Variants in NR2F1-AS1 observed in about 807,000 individuals in gnomAD.
NR2F1-AS1 encodes NR2F1 antisense RNA 1.
intron 1 of NR2F1-AS1, among the ~76,000 whole-genome samples, chr5:93,566,123 T>C (rs1400948626): frequency 1.3e-5 from 2 of 151,980 alleles, no homozygotes; most frequent in Admixed American, 6.6e-5. Context: ...AACCTATGTG[T>C]AAAAACTAAG....
At chr5:93,423,647 C>G (rs559308108) in intron 4 of NR2F1-AS1, among the ~76,000 whole-genome samples, 21 of 152,184 alleles carry the variant, frequency 1.4e-4, no homozygotes, top group Admixed American at 6.5e-5. Context: ...AGTACAATTA[C>G]AAATCTTGTC....
intron 4 of NR2F1-AS1, among the ~76,000 whole-genome samples, chr5:93,524,122 G>A (rs935847860): frequency 9.2e-5 from 14 of 151,944 alleles, no homozygotes; most frequent in Middle Eastern, 3.4e-3. Flanking sequence ...AAGGTAAGAC[G>A]AATTGCTAAC....
intron 4 of NR2F1-AS1, among the ~76,000 whole-genome samples, chr5:93,547,322 C>T (rs919201066): frequency 5.3e-5 from 8 of 152,088 alleles, no homozygotes; most frequent in African/African-American, 1.9e-4. Flanking sequence ...CGCTGTAGAC[C>T]ATTAGTTTTA....
chr5:93,426,636 G>T (rs1225334636), intron 4 of NR2F1-AS1, among the ~76,000 whole-genome samples: 1 of 152,146 alleles, frequency 6.6e-6, no homozygotes, highest in Non-Finnish European at 1.5e-5. Context: ...AGCTAGCACA[G>T]TACCTGCCAT....
At chr5:93,426,126 C>T (rs1448385407) in intron 4 of NR2F1-AS1, among the ~76,000 whole-genome samples, 1 of 151,980 alleles carries the variant, frequency 6.6e-6, no homozygotes, top group Non-Finnish European at 1.5e-5. Flanking sequence ...TGGCTCACTG[C>T]AACCTCTGTC....
intron 1 of NR2F1-AS1, among the ~76,000 whole-genome samples, chr5:93,571,500 GAC>G (rs1170314730): frequency 1.3e-5 from 2 of 150,816 alleles, no homozygotes; most frequent in Non-Finnish European, 3.0e-5. Flanking sequence ...CATGGAGACT[GAC>G]ACACTTTGCG....
At chr5:93,516,783 T>C (rs948645967) in intron 4 of NR2F1-AS1, among the ~76,000 whole-genome samples, 2 of 151,960 alleles carry the variant, frequency 1.3e-5, no homozygotes, top group African/African-American at 4.8e-5. Flanking sequence ...AATATTAAAC[T>C]AGCAGTGTAT....
chr5:93,585,183 A>G, upstream of NR2F1-AS1: 1 of 1,469,116 alleles, frequency 6.8e-7, no homozygotes. Context: ...CACGCCGCAG[A>G]CCCCGGGCCA....
At chr5:93,445,379 C>A (rs1435367705) in intron 4 of NR2F1-AS1, among the ~76,000 whole-genome samples, 1 of 152,088 alleles carries the variant, frequency 6.6e-6, no homozygotes, top group Admixed American at 6.5e-5. Context: ...CCACCGATCC[C>A]ACAGAAATAC....
chr5:93,512,436 C>T (rs190619633), intron 4 of NR2F1-AS1, among the ~76,000 whole-genome samples: 7 of 152,024 alleles, frequency 4.6e-5, no homozygotes, highest in Admixed American at 3.3e-4. Context: ...AAAGTAAAAA[C>T]GTTAATTTAT....
chr5:93,548,276 T>C (rs1752136078), intron 4 of NR2F1-AS1, among the ~76,000 whole-genome samples: 1 of 152,126 alleles, frequency 6.6e-6, no homozygotes, highest in Non-Finnish European at 1.5e-5. Flanking sequence ...ATTCAATCAA[T>C]TTATGTGGTC....
At chr5:93,479,879 G>C (rs1750564585) in intron 4 of NR2F1-AS1, among the ~76,000 whole-genome samples, 1 of 151,994 alleles carries the variant, frequency 6.6e-6, no homozygotes, top group Non-Finnish European at 1.5e-5. Context: ...AGAAATAATG[G>C]AGATGAAAAA....
At chr5:93,574,235 G>C (rs377694311) in intron 1 of NR2F1-AS1, among the ~76,000 whole-genome samples, 2 of 152,214 alleles carry the variant, frequency 1.3e-5, no homozygotes, top group African/African-American at 2.4e-5. Flanking sequence ...TCTGGGGGCT[G>C]GGATGGCCCC....
intron 4 of NR2F1-AS1, among the ~76,000 whole-genome samples, chr5:93,506,878 T>A (rs578258114): frequency 6.6e-6 from 1 of 152,284 alleles, no homozygotes; most frequent in East Asian, 1.9e-4. Flanking sequence ...GGCAGGCTCA[T>A]TTACTAATAG....
intron 4 of NR2F1-AS1, among the ~76,000 whole-genome samples, chr5:93,451,070 AATG>A (rs1196608891): frequency 6.6e-6 from 1 of 152,060 alleles, no homozygotes; most frequent in Non-Finnish European, 1.5e-5. Context: ...CTCAAACACT[AATG>A]AGGTGATTTA....
chr5:93,564,037 G>A (rs963323865), intron 1 of NR2F1-AS1, among the ~76,000 whole-genome samples: 4 of 139,162 alleles, frequency 2.9e-5, no homozygotes, highest in African/African-American at 1.1e-4. Context: ...AGGAGGTGGA[G>A]CTTACAATGA....
At chr5:93,473,015 C>T (rs955773311) in intron 4 of NR2F1-AS1, among the ~76,000 whole-genome samples, 9 of 151,806 alleles carry the variant, frequency 5.9e-5, no homozygotes, top group African/African-American at 2.2e-4. Flanking sequence ...CCACCTATAC[C>T]ATTAAGATGA....
intron 4 of NR2F1-AS1, among the ~76,000 whole-genome samples, chr5:93,530,237 C>A (rs909376837): frequency 2.6e-5 from 4 of 151,998 alleles, no homozygotes; most frequent in Admixed American, 6.6e-5. Flanking sequence ...CATGCCACCA[C>A]AACTGGATAA....
intron 4 of NR2F1-AS1, among the ~76,000 whole-genome samples, chr5:93,497,901 C>T (rs1297851393): frequency 1.3e-5 from 2 of 152,184 alleles, no homozygotes; most frequent in Non-Finnish European, 2.9e-5. Flanking sequence ...AATTATAAAA[C>T]ATCTCATTTT....
Sources: allele counts gnomAD v4.1 joint callset (sites outside exome capture counted in the v4.1 genomes callset), GRCh38; gene constraint gnomAD v4.1.1; transcripts MANE v1.5; gene names NCBI Gene and HGNC (gene_info 2026-07-23, HGNC 2026-07-21).